The following MAGI2 variants were observed in gnomAD, a reference collection of about 807,000 sequenced individuals.
MAGI2 encodes the protein membrane associated guanylate kinase, WW and PDZ domain containing 2.
A neutral mutation model predicts 133.3 loss-of-function variants in MAGI2; 35 were observed. The ratio of observed to expected loss-of-function variants is 0.26; its 90% CI spans 0.20 to 0.35. MAGI2 has a LOEUF of 0.35. Ranked by LOEUF, MAGI2 falls within the 10% of genes least tolerant of loss-of-function variation. The pLI is 1.00. For missense variants in MAGI2, 1,636 were observed against 1,863.4 expected (o/e 0.88, Z 2.25); for synonymous variants, 729 against 710.6 (o/e 1.03, Z -0.41).
chr7:79,268,609 A>G (rs10244816), intron 1 of MAGI2, among the ~76,000 whole-genome samples: 9,815 of 152,282 alleles, frequency 0.064, 614 homozygotes, highest in African/African-American at 0.17. Context: ...AGTTTTAAAT[A>G]GAAACCGCAG....
At chr7:78,515,274 T>C (rs1183971533) in intron 4 of MAGI2, among the ~76,000 whole-genome samples, 4 of 152,228 alleles carry the variant, frequency 2.6e-5, no homozygotes, top group African/African-American at 9.6e-5. Flanking sequence ...ACCATCTATC[T>C]ATCTTTGGTA....
chr7:79,158,801 G>A (rs1191300309), intron 1 of MAGI2, among the ~76,000 whole-genome samples: 1 of 151,896 alleles, frequency 6.6e-6, no homozygotes, highest in Non-Finnish European at 1.5e-5. Context: ...AAGCAATCAG[G>A]TAAATGGAAT....
At chr7:78,110,161 C>G (rs1277720442) in intron 20 of MAGI2, among the ~76,000 whole-genome samples, 1 of 152,186 alleles carries the variant, frequency 6.6e-6, no homozygotes, top group Non-Finnish European at 1.5e-5. Context: ...AAAACAACCT[C>G]TTTCCAATAT....
chr7:78,215,318 G>T (rs1788159299), intron 10 of MAGI2, among the ~76,000 whole-genome samples: 1 of 152,142 alleles, frequency 6.6e-6, no homozygotes, highest in Admixed American at 6.5e-5. Flanking sequence ...CCTGCTTTAA[G>T]GCTGAGGAAG....
chr7:78,829,826 A>T (rs1790987132), intron 2 of MAGI2, among the ~76,000 whole-genome samples: 1 of 152,068 alleles, frequency 6.6e-6, no homozygotes, highest in Non-Finnish European at 1.5e-5. Flanking sequence ...TAAATTCTGA[A>T]GTTCTTTTTG....
chr7:79,097,202 T>C lies in MAGI2; in HGVS notation c.302-89996A>G, dbSNP rs1055760108. Reference sequence around the variant, plus strand: ...GATATAGGTATTACAGTTATCCCTATTATACAGATGAGGAAACTGAGACAT... The same window carrying C: ...GATATAGGTATTACAGTTATCCCTACTATACAGATGAGGAAACTGAGACAT... On this transcript the variant is annotated intron_variant, in intron 1 of 21. Coordinates refer to ENST00000354212, the MANE Select transcript of MAGI2 (RefSeq NM_012301.4). Among the ~76,000 whole-genome samples, 6 of 152,324 alleles carry C rather than the reference T, an allele frequency of 3.9e-5. No homozygotes were observed. The East Asian group carries it at 1.2e-3, about 29-fold the overall frequency.
At chr7:79,082,501 T>C (rs1816130268) in intron 1 of MAGI2, among the ~76,000 whole-genome samples, 1 of 152,102 alleles carries the variant, frequency 6.6e-6, no homozygotes. Flanking sequence ...TGAATTATCT[T>C]GGCATTCTTG....
chr7:79,440,568 C>T (rs183369968), intron 1 of MAGI2, among the ~76,000 whole-genome samples: 302 of 152,090 alleles, frequency 2.0e-3, no homozygotes, highest in Middle Eastern at 0.01. Flanking sequence ...TCCAAGATTA[C>T]TCCTTATCTT....
chr7:79,376,544 G>C (rs897203672), intron 1 of MAGI2, among the ~76,000 whole-genome samples: 1 of 151,832 alleles, frequency 6.6e-6, no homozygotes, highest in African/African-American at 2.4e-5. Flanking sequence ...TGAAGATGTC[G>C]ATGGTTGGAT....
At chr7:79,399,286 G>A (rs1332536189) in intron 1 of MAGI2, among the ~76,000 whole-genome samples, 1 of 151,404 alleles carries the variant, frequency 6.6e-6, no homozygotes, top group East Asian at 1.9e-4. Context: ...TAGAGATGTG[G>A]TTTCATCATG....
chr7:79,184,817 T>C (rs1471703872), intron 1 of MAGI2, among the ~76,000 whole-genome samples: 2 of 151,850 alleles, frequency 1.3e-5, no homozygotes, highest in African/African-American at 2.4e-5. Flanking sequence ...TTTTTTCTTT[T>C]CTTTTGAGTC....
chr7:78,960,717 G>C (rs927342098), intron 2 of MAGI2, among the ~76,000 whole-genome samples: 1 of 152,076 alleles, frequency 6.6e-6, no homozygotes, highest in African/African-American at 2.4e-5. Flanking sequence ...GAGAGGTAAA[G>C]ACAGTTGCAC....
At chr7:78,498,334 T>C (rs62467112) in intron 5 of MAGI2, among the ~76,000 whole-genome samples, 16,965 of 152,136 alleles carry the variant, frequency 0.11, 1,151 homozygotes, top group African/African-American at 0.18. Context: ...TCAACCATGC[T>C]CCCTCCCCAA....
At chr7:79,363,227 C>T (rs1374063864) in intron 1 of MAGI2, among the ~76,000 whole-genome samples, 1 of 144,042 alleles carries the variant, frequency 6.9e-6, no homozygotes, top group African/African-American at 2.5e-5. Context: ...CTTAGGTATA[C>T]AGTTTAAAAA....
intron 2 of MAGI2, among the ~76,000 whole-genome samples, chr7:78,911,414 A>C (rs968797704): frequency 3.3e-5 from 5 of 152,166 alleles, no homozygotes; most frequent in African/African-American, 9.7e-5. Context: ...AAGCCTCAGG[A>C]ATGGGAGTAG....
At chr7:78,805,152 TATCTAGGC>T (rs1047929275) in intron 2 of MAGI2, among the ~76,000 whole-genome samples, 13 of 151,970 alleles carry the variant, frequency 8.6e-5, no homozygotes, top group African/African-American at 2.9e-4. Flanking sequence ...CGACTCTAAA[TATCTAGGC>T]AGGGGGATAG....
chr7:78,450,091 TC>T (rs1788565852), intron 6 of MAGI2, among the ~76,000 whole-genome samples: 1 of 152,036 alleles, frequency 6.6e-6, no homozygotes, highest in South Asian at 2.1e-4. Context: ...GTGAGAATGT[TC>T]CTTTAACATT....
chr7:79,346,977 T>A (rs1331342154), intron 1 of MAGI2, among the ~76,000 whole-genome samples: 1 of 152,032 alleles, frequency 6.6e-6, no homozygotes, highest in East Asian at 1.9e-4. Context: ...GTCTTGAACA[T>A]CCTGAGTCAC....
At chr7:78,378,630 G>T (rs1794657663) in intron 6 of MAGI2, among the ~76,000 whole-genome samples, 1 of 151,926 alleles carries the variant, frequency 6.6e-6, no homozygotes, top group South Asian at 2.1e-4. Flanking sequence ...CAGCCAAATT[G>T]TACTTCAAGT....
Sources: allele counts gnomAD v4.1 joint callset (sites outside exome capture counted in the v4.1 genomes callset), GRCh38; gene constraint gnomAD v4.1.1; transcripts MANE v1.5; gene names NCBI Gene and HGNC (gene_info 2026-07-23, HGNC 2026-07-21).